The following FOXK1 variants were observed in gnomAD, a reference collection of about 807,000 sequenced individuals.
FOXK1 encodes forkhead box K1.
Under a neutral mutation model 51.9 loss-of-function variants are expected in FOXK1, and 19 were observed. That is an observed-to-expected ratio of 0.37 (90% confidence interval 0.26 to 0.54). FOXK1 has a LOEUF of 0.54. Among genes scored for constraint, FOXK1 ranks in the 20% least tolerant of loss-of-function variants. The pLI is 0.87. For missense variants in FOXK1, 870 were observed against 1,032.7 expected (o/e 0.84, Z 2.16); for synonymous variants, 537 against 482.6 (o/e 1.11, Z -1.48).
At position 4,770,202 on chromosome 7, in the gene FOXK1, C is replaced by T. The variant is rs958094778; in HGVS notation, c.*7738C>T. ...CTCTAAATCTCCAGGTTAACTGGTC[C>T]AGATTTTTTTTTTTTAATCAGTAAC... is the stretch of plus-strand genomic sequence containing the variant. On this transcript the variant is annotated 3_prime_UTR_variant, in exon 9 of 9. Transcript: ENST00000328914. 2 of 151,800 alleles carry T rather than the reference C, an allele frequency of 1.3e-5. No individual in the cohort carries two copies. Among genetic ancestry groups the T allele is most frequent in the African/African-American group, 4.8e-5 (2 of 41,272 alleles). 9.4% of individuals were successfully genotyped at this position (151,800 alleles called of 1,614,324 possible).
In FOXK1 at chr7:4,730,411, G is replaced by T. The variant is rs1780435424; in HGVS notation, c.561-10427G>T. Among the ~76,000 whole-genome samples, 1 of 152,218 alleles carries T rather than the reference G, an allele frequency of 6.6e-6. No homozygotes were observed. Among genetic ancestry groups the T allele is most frequent in the South Asian group, 2.1e-4 (1 of 4,834 alleles). ...TGGGGTTCAGGAGAACAGGGTTGTG[G>T]CATGGACCCAAAAGTGGAGTCACGG... is the stretch of plus-strand genomic sequence containing the variant. On this transcript the variant is annotated intron_variant, in intron 1 of 8. Transcript: ENST00000328914. This position sits in a 1 kb window ranked among gnomAD's most constrained non-coding sequence, Gnocchi z 4.7.
chr7:4,726,236 A>G (rs1780379843), intron 1 of FOXK1, among the ~76,000 whole-genome samples: 1 of 152,126 alleles, frequency 6.6e-6, no homozygotes, highest in Non-Finnish European at 1.5e-5. Flanking sequence ...TTGGCCTACG[A>G]ATGCTTTTAC....
In FOXK1 at chr7:4,711,368, T is replaced by A. The variant is rs1329270077; in HGVS notation, c.560+28500T>A. ...AGTGGAAGGGCTTCCTGTGAGAGGG[T>A]GTGGCAGTCCGGGGGTGGGTCCCAG... On this transcript the variant is annotated intron_variant, in intron 1 of 8. Coordinates refer to ENST00000328914, the MANE Select transcript of FOXK1 (RefSeq NM_001037165.2). The surrounding 1 kb of genome is among the most constrained non-coding windows in gnomAD (Gnocchi z 6.3). Among the ~76,000 whole-genome samples the A allele has an allele frequency of 6.6e-6, 1 of 151,948 alleles. No individual in the cohort carries two copies. The highest frequency in any genetic ancestry group is 1.5e-5 in the Non-Finnish European group (1 of 67,978).
intron 1 of FOXK1, among the ~76,000 whole-genome samples, chr7:4,685,300 T>C (rs1202282037): frequency 7.0e-6 from 1 of 143,186 alleles, no homozygotes; most frequent in Non-Finnish European, 1.5e-5. Context: ...CTGCAAACTC[T>C]ACCTCCCGGG....
Position 4,747,626 on chromosome 7 carries a change from C to G in FOXK1, c.746+6603C>G, listed in dbSNP as rs1239687154. 6.6e-6 allele frequency among the ~76,000 whole-genome samples: 1 copy of G among 152,032 alleles called. No homozygotes were observed. Among genetic ancestry groups the G allele is most frequent in the Admixed American group, 6.6e-5 (1 of 15,254 alleles). The stretch of plus-strand genomic sequence containing the variant: ...TCACAGCTCACTGCAACCTCAACCT[C>G]CCGGGCTCAAGCGATCCTCCCACTG... On this transcript the variant is annotated intron_variant, in intron 2 of 8. Coordinates refer to ENST00000328914, the MANE Select transcript of FOXK1 (RefSeq NM_001037165.2). The surrounding 1 kb of genome is among the most constrained non-coding windows in gnomAD (Gnocchi z 9.2).
intron 2 of FOXK1, 92 bp from the exon 3 acceptor site, chr7:4,754,367 G>T (rs1226655894): frequency 1.4e-6 from 2 of 1,444,766 alleles, no homozygotes; most frequent in Non-Finnish European, 1.9e-6. Flanking sequence ...CTTCCCCACA[G>T]CCCCACCCTC....
intron 1 of FOXK1, among the ~76,000 whole-genome samples, chr7:4,704,373 C>G (rs1274095584): frequency 6.7e-6 from 1 of 149,544 alleles, no homozygotes; most frequent in East Asian, 2.0e-4. Context: ...ATCACTTGAA[C>G]TCAGAAGGTG....
intron 1 of FOXK1, among the ~76,000 whole-genome samples, chr7:4,710,316 C>T (rs1184940959): frequency 6.6e-6 from 1 of 152,184 alleles, no homozygotes; most frequent in Non-Finnish European, 1.5e-5. Context: ...GAGGCTAAGG[C>T]AGGAGGATTG....
chr7:4,722,715 G>A lies in FOXK1; in HGVS notation c.561-18123G>A, dbSNP rs1417334963. Among the ~76,000 whole-genome samples the A allele has an allele frequency of 2.6e-5, 4 of 152,240 alleles. No individual in the cohort carries two copies. The highest frequency in any genetic ancestry group is 1.9e-4 in the East Asian group (1 of 5,192). On this transcript the variant is annotated intron_variant, in intron 1 of 8. Coordinates refer to ENST00000328914, the MANE Select transcript of FOXK1 (RefSeq NM_001037165.2). The surrounding 1 kb of genome is among the most constrained non-coding windows in gnomAD (Gnocchi z 5.1). ...CGTAGGAGACCCACCTCAGATGCTC[G>A]GGTGCACATCTGGGGAGAGTCAACC...
rs1046687055 is a variant in FOXK1, at chr7:4,731,802, C to T, written c.561-9036C>T. Among the ~76,000 whole-genome samples, 1 of 150,880 alleles carries T rather than the reference C, an allele frequency of 6.6e-6. No homozygotes were observed. Among genetic ancestry groups the T allele is most frequent in the African/African-American group, 2.4e-5 (1 of 41,024 alleles). On this transcript the variant is annotated intron_variant, in intron 1 of 8. Coordinates refer to ENST00000328914, the MANE Select transcript of FOXK1 (RefSeq NM_001037165.2). This position sits in a 1 kb window ranked among gnomAD's most constrained non-coding sequence, Gnocchi z 5.3. The stretch of plus-strand genomic sequence containing the variant: ...AGAAAACAGAGAGGCCTGCTTATAA[C>T]ACCATCCTTATCCTGGGCTGTTTTC...
chr7:4,752,850 T>C (rs1289765556), intron 2 of FOXK1, among the ~76,000 whole-genome samples: 1 of 152,226 alleles, frequency 6.6e-6, no homozygotes, highest in Non-Finnish European at 1.5e-5. Flanking sequence ...AGGTGTTTGG[T>C]TCCCAGAGGC....
intron 1 of FOXK1, among the ~76,000 whole-genome samples, chr7:4,694,770 AG>A (rs915204215): frequency 6.6e-6 from 1 of 152,190 alleles, no homozygotes; most frequent in African/African-American, 2.4e-5. Context: ...AGGGAGCTGC[AG>A]GGCGCCTGTC....
intron 1 of FOXK1, among the ~76,000 whole-genome samples, chr7:4,690,586 C>T (rs907461240): frequency 6.6e-6 from 1 of 152,198 alleles, no homozygotes; most frequent in Non-Finnish European, 1.5e-5. Flanking sequence ...TTTTAAAAGT[C>T]AGTCTATGAG....
At chr7:4,688,454 G>C (rs912769722) in intron 1 of FOXK1, among the ~76,000 whole-genome samples, 4 of 151,518 alleles carry the variant, frequency 2.6e-5, no homozygotes, top group African/African-American at 9.7e-5. Flanking sequence ...AGGCTGGAGT[G>C]CAGTGGCACT....
At chr7:4,737,085 C>G (rs1364779407) in intron 1 of FOXK1, among the ~76,000 whole-genome samples, 1 of 151,198 alleles carries the variant, frequency 6.6e-6, no homozygotes, top group Admixed American at 6.6e-5. Flanking sequence ...AAATGTCTTA[C>G]GAAAAAACAC....
chr7:4,701,491 C>G (rs574703622), intron 1 of FOXK1, among the ~76,000 whole-genome samples: 1 of 152,296 alleles, frequency 6.6e-6, no homozygotes, highest in South Asian at 2.1e-4. Context: ...CGTGGTGGCT[C>G]ACACCAGTAA....
At position 4,745,291 on chromosome 7, in the gene FOXK1, C is replaced by T. The variant is rs920926415; in HGVS notation, c.746+4268C>T. Among the ~76,000 whole-genome samples the T allele has an allele frequency of 1.3e-4, 20 of 152,140 alleles. No homozygotes were observed. The highest frequency in any genetic ancestry group is 3.9e-4 in the African/African-American group (16 of 41,430). On this transcript the variant is annotated intron_variant, in intron 2 of 8. Transcript: ENST00000328914. The surrounding 1 kb of genome is among the most constrained non-coding windows in gnomAD (Gnocchi z 4.3). ...CTGGCTCGGTGTAGGCCGGGCTCGCCCAGGGCCCCTCATTCCCAGGAGTCG... is the reference window on the plus strand; with the variant it reads ...CTGGCTCGGTGTAGGCCGGGCTCGCTCAGGGCCCCTCATTCCCAGGAGTCG...
chr7:4,736,752 G>A (rs1431483431), intron 1 of FOXK1, among the ~76,000 whole-genome samples: 2 of 152,200 alleles, frequency 1.3e-5, no homozygotes, highest in African/African-American at 2.4e-5. Flanking sequence ...CTTTGAGATG[G>A]TGTCTTCTAT....
chr7:4,687,574 G>A (rs957461114), intron 1 of FOXK1, among the ~76,000 whole-genome samples: 10 of 152,122 alleles, frequency 6.6e-5, no homozygotes, highest in Non-Finnish European at 8.8e-5. Flanking sequence ...GATGACAGGC[G>A]TGAGCTACTA....
Sources: gnomAD v4.1 joint callset for allele counts (sites outside exome capture counted in the v4.1 genomes callset) on GRCh38, gnomAD v4.1.1 for gene constraint, Gnocchi (gnomAD v3.1) non-coding constraint, MANE v1.5 for transcripts, NCBI Gene and HGNC (gene_info 2026-07-23, HGNC 2026-07-21) for gene names.